Variants in RANBP2 observed in about 807,000 individuals in gnomAD.
The protein encoded by RANBP2 is E3 SUMO-protein ligase RanBP2.
RANBP2 carries 57 observed loss-of-function variants against 303.6 expected under a neutral mutation model. The observed-to-expected ratio is 0.19, with a 90% CI of 0.15 to 0.23. The LOEUF is 0.23. RANBP2 is among the 10% of genes least tolerant of loss of function. The pLI is 1.00. For missense variants in RANBP2, 3,138 were observed against 3,780.8 expected (o/e 0.83, Z 4.46); for synonymous variants, 1,167 against 1,301.5 (o/e 0.90, Z 2.23).
the RANBP2 span, among the ~76,000 whole-genome samples, chr2:108,835,105 G>A: frequency 3.9e-5 from 6 of 152,156 alleles, no homozygotes; most frequent in African/African-American, 1.4e-4. Flanking sequence ...TGTTGGAATG[G>A]AGATCTCATC....
chr2:109,097,434 A>C, the RANBP2 span, among the ~76,000 whole-genome samples: 3 of 152,122 alleles, frequency 2.0e-5, no homozygotes, highest in South Asian at 6.2e-4. Flanking sequence ...AAAAACAAAC[A>C]AACAAAGAAG....
the RANBP2 span, among the ~76,000 whole-genome samples, chr2:109,497,875 G>A: frequency 6.6e-6 from 1 of 152,358 alleles, no homozygotes; most frequent in African/African-American, 2.4e-5. Context: ...TGCATTCAAA[G>A]TCTGAGAAAT....
At chr2:108,747,822 C>T (rs1260837234) in intron 8 of RANBP2, among the ~76,000 whole-genome samples, 5 of 152,280 alleles carry the variant, frequency 3.3e-5, no homozygotes, top group African/African-American at 7.2e-5. Context: ...ATATACCATA[C>T]GCTTCACCCA....
chr2:109,335,742 A>G, the RANBP2 span, among the ~76,000 whole-genome samples: 3 of 152,234 alleles, frequency 2.0e-5, no homozygotes, highest in Non-Finnish European at 4.4e-5. Flanking sequence ...GCACCCCACA[A>G]GTAACGGGCA....
chr2:109,614,640 C>T, the RANBP2 span: 3 of 1,467,228 alleles, frequency 2.0e-6, no homozygotes, highest in South Asian at 3.9e-5. Flanking sequence ...GCAGCGCGCC[C>T]GCGCCCGCGC....
chr2:109,489,381 T>C, the RANBP2 span, among the ~76,000 whole-genome samples: 3 of 152,244 alleles, frequency 2.0e-5, no homozygotes, highest in Non-Finnish European at 2.9e-5. Context: ...CTGGGGGGAC[T>C]TGGCTGGGGC....
At chr2:109,435,305 C>T in the RANBP2 span, among the ~76,000 whole-genome samples, 1 of 152,222 alleles carries the variant, frequency 6.6e-6, no homozygotes. Flanking sequence ...TGTCCCCCTC[C>T]AAAGCTGTGC....
At chr2:109,495,447 C>T in the RANBP2 span, among the ~76,000 whole-genome samples, 8 of 148,042 alleles carry the variant, frequency 5.4e-5, no homozygotes, top group African/African-American at 7.6e-5. Flanking sequence ...GGCCACCTAC[C>T]GGCCATTTCA....
chr2:108,959,712 GC>G, the RANBP2 span, among the ~76,000 whole-genome samples: 6 of 152,138 alleles, frequency 3.9e-5, no homozygotes, highest in Non-Finnish European at 5.9e-5. Flanking sequence ...TGGAGATTTC[GC>G]CTTTCCCCAG....
At chr2:108,911,599 G>A in the RANBP2 span, among the ~76,000 whole-genome samples, 8 of 152,270 alleles carry the variant, frequency 5.3e-5, no homozygotes, top group East Asian at 3.9e-4. Context: ...CTGCACTGCC[G>A]CCTCCACCAG....
chr2:109,108,988 T>G, the RANBP2 span, among the ~76,000 whole-genome samples: 2,396 of 152,356 alleles, frequency 0.016, 63 homozygotes, highest in African/African-American at 0.054. Context: ...GCATAAGTGC[T>G]GCCTAATTCT....
chr2:109,408,649 A>G, the RANBP2 span, among the ~76,000 whole-genome samples: 2 of 152,204 alleles, frequency 1.3e-5, no homozygotes, highest in African/African-American at 2.4e-5. Context: ...CCGCACTGGC[A>G]CTCTCAGACA....
the RANBP2 span, among the ~76,000 whole-genome samples, chr2:109,036,495 G>A: frequency 1.3e-5 from 2 of 152,132 alleles, no homozygotes; most frequent in Non-Finnish European, 2.9e-5. Context: ...ACACCATGAT[G>A]AAGTGGGATT....
At chr2:108,900,741 A>G in the RANBP2 span, among the ~76,000 whole-genome samples, 2 of 152,226 alleles carry the variant, frequency 1.3e-5, no homozygotes, top group Non-Finnish European at 2.9e-5. Flanking sequence ...AAACTTCAAT[A>G]ACAAGAAGGC....
chr2:109,051,362 A>C, the RANBP2 span, among the ~76,000 whole-genome samples: 1 of 152,102 alleles, frequency 6.6e-6, no homozygotes, highest in Non-Finnish European at 1.5e-5. Flanking sequence ...CCCCTGCCCC[A>C]TGGTCCCAAA....
the RANBP2 span, among the ~76,000 whole-genome samples, chr2:109,648,150 G>T: frequency 6.6e-6 from 1 of 152,184 alleles, no homozygotes; most frequent in South Asian, 2.1e-4. Flanking sequence ...GATAGTGACC[G>T]CTTGGGTCCT....
chr2:109,277,394 G>A, the RANBP2 span, among the ~76,000 whole-genome samples: 1 of 152,146 alleles, frequency 6.6e-6, no homozygotes, highest in South Asian at 2.1e-4. Flanking sequence ...CCTCGGTGAT[G>A]GAAATCAACT....
chr2:109,104,320 T>C, the RANBP2 span, among the ~76,000 whole-genome samples: 1 of 152,334 alleles, frequency 6.6e-6, no homozygotes, highest in South Asian at 2.1e-4. Flanking sequence ...GCTGGTCATC[T>C]GTATGTATGC....
At chr2:109,452,118 G>A in the RANBP2 span, among the ~76,000 whole-genome samples, 1 of 152,172 alleles carries the variant, frequency 6.6e-6, no homozygotes, top group African/African-American at 2.4e-5. Context: ...CTAATTTGCA[G>A]CAGGGCCCAA....
Sources: allele counts gnomAD v4.1 joint callset (sites outside exome capture counted in the v4.1 genomes callset), GRCh38; gene constraint gnomAD v4.1.1; transcripts MANE v1.5; gene names NCBI Gene and HGNC (gene_info 2026-07-23, HGNC 2026-07-21).